Variants in CDK6 observed in about 807,000 individuals in gnomAD.
CDK6 encodes the protein cyclin dependent kinase 6.
A neutral mutation model predicts 37.1 loss-of-function variants in CDK6; 6 were observed. The ratio of observed to expected loss-of-function variants is 0.16; its 90% CI spans 0.09 to 0.32. The LOEUF (loss-of-function observed/expected upper bound fraction) is 0.32. CDK6 is among the 10% of genes least tolerant of loss of function. The pLI, the probability that CDK6 is intolerant of heterozygous loss-of-function variation, is 1.00. For synonymous variants in CDK6, 160 were observed against 161.3 expected, an observed-to-expected ratio of 0.99 and a Z score of 0.06; for missense variants, 224 against 418.9, an observed-to-expected ratio of 0.53 and a Z score of 4.06.
intron 5 of CDK6, among the ~76,000 whole-genome samples, chr7:92,638,644 G>A (rs887104135): frequency 1.4e-4 from 22 of 152,220 alleles, no homozygotes; most frequent in Admixed American, 1.3e-4. Flanking sequence ...AACTGACTCA[G>A]AGTCTCTTTA....
intron 5 of CDK6, among the ~76,000 whole-genome samples, chr7:92,638,469 A>G (rs1243423536): frequency 6.6e-6 from 1 of 152,154 alleles, no homozygotes; most frequent in Non-Finnish European, 1.5e-5. Flanking sequence ...CAATGCCCAG[A>G]TAGAAGGATG....
rs746472284 is a variant in CDK6, at chr7:92,608,548, AAAAAACAAAAAC to A, written c.*6580_*6591del. Reference sequence around the variant, plus strand: ...CCTGCAATTATACATCTTTTCTTTAAAAAAACAAAAACAAAAACAAAAACTGAGCTTAGCGCC... The same window carrying A: ...CCTGCAATTATACATCTTTTCTTTAAAAAAACAAAAACTGAGCTTAGCGCC... On this transcript the variant is annotated 3_prime_UTR_variant, in exon 8 of 8. Coordinates refer to ENST00000424848, the MANE Select transcript of CDK6 (RefSeq NM_001145306.2). The A allele has an allele frequency of 2.8e-4, 66 of 232,226 alleles. No individual in the cohort carries two copies. The highest frequency in any genetic ancestry group is 5.3e-4 in the Non-Finnish European group (62 of 117,382). The allele number at this position is 232,226 out of a possible 1,614,324, so 14.4% of individuals were successfully genotyped here. A position where few individuals can be genotyped will look rare whatever the true frequency, so the allele number is the denominator to read the frequency against.
intron 3 of CDK6, among the ~76,000 whole-genome samples, chr7:92,758,702 T>A (rs977491205): frequency 6.6e-6 from 1 of 152,230 alleles, no homozygotes; most frequent in African/African-American, 2.4e-5. Flanking sequence ...AGGAACAGCA[T>A]TGATTCTGTA....
intron 4 of CDK6, among the ~76,000 whole-genome samples, chr7:92,681,590 C>G (rs1023831126): frequency 4.6e-5 from 7 of 152,272 alleles, no homozygotes; most frequent in African/African-American, 1.7e-4. Context: ...CCATGTTAGT[C>G]CTGGACAGTG....
intron 5 of CDK6, among the ~76,000 whole-genome samples, chr7:92,645,413 T>C (rs1471328212): frequency 1.3e-5 from 2 of 152,198 alleles, no homozygotes; most frequent in Admixed American, 6.5e-5. Context: ...GATAAGTAAA[T>C]GCTTGCAAAA....
At chr7:92,672,176 CACACACAG>C (rs1562931129) in intron 4 of CDK6, among the ~76,000 whole-genome samples, 1 of 104,056 alleles carries the variant, frequency 9.6e-6, no homozygotes, top group Non-Finnish European at 1.9e-5. Flanking sequence ...TACACACACA[CACACACAG>C]ACACATACAC....
At chr7:92,734,341 G>C (rs564931736) in intron 3 of CDK6, among the ~76,000 whole-genome samples, 2 of 152,158 alleles carry the variant, frequency 1.3e-5, no homozygotes, top group South Asian at 4.2e-4. Flanking sequence ...TGTACTCTCT[G>C]TCTAGACTGA....
At chr7:92,647,096 ACAG>A (rs1796469990) in intron 5 of CDK6, among the ~76,000 whole-genome samples, 1 of 152,214 alleles carries the variant, frequency 6.6e-6, no homozygotes, top group African/African-American at 2.4e-5. Context: ...GCTCTGACCT[ACAG>A]GCTGCAGTAT....
At chr7:92,631,150 T>C (rs1017380521) in intron 5 of CDK6, among the ~76,000 whole-genome samples, 1 of 152,220 alleles carries the variant, frequency 6.6e-6, no homozygotes, top group African/African-American at 2.4e-5. Context: ...CTTAGCACTG[T>C]TGTTCTTCAA....
chr7:92,833,145 C>G lies in CDK6; in HGVS notation c.179G>C (p.Arg60Pro), dbSNP rs1160950961. The G allele has an allele frequency of 6.2e-7, 1 of 1,609,046 alleles. No homozygotes were observed. The highest frequency in any genetic ancestry group is 8.5e-7 in the Non-Finnish European group (1 of 1,178,444). ...CAGGTGCCTCAGCACCGCCACCTCGCGGATGGTGGAGAGCGGCATGCCCTC... is the reference window on the plus strand; with the variant it reads ...CAGGTGCCTCAGCACCGCCACCTCGGGGATGGTGGAGAGCGGCATGCCCTC... Reference protein sequence around the residue: ...GEEGMPLSTIREVAVLRHLET... With the variant: ...GEEGMPLSTIPEVAVLRHLET... The change falls in exon 2 of 8, where the codon CGC becomes CCC. Residue 60 changes from arginine to proline, a missense_variant. Arg to Pro is a moderately radical substitution (Grantham distance 103, BLOSUM62 -2). Coordinates refer to ENST00000424848, the MANE Select transcript of CDK6 (RefSeq NM_001145306.2). The surrounding 1 kb of genome is among the most constrained non-coding windows in gnomAD (Gnocchi z 6.1).
intron 3 of CDK6, among the ~76,000 whole-genome samples, chr7:92,766,017 C>T (rs886497341): frequency 3.9e-5 from 6 of 151,956 alleles, no homozygotes; most frequent in African/African-American, 1.2e-4. Context: ...GCTGGAGAAC[C>T]GTGGGCCCAA....
At chr7:92,678,358 C>G (rs1585392179) in intron 4 of CDK6, among the ~76,000 whole-genome samples, 1 of 151,712 alleles carries the variant, frequency 6.6e-6, no homozygotes, top group Admixed American at 6.6e-5. Flanking sequence ...AAGCAAATAC[C>G]ATGTTTATTA....
chr7:92,645,721 C>T (rs1391437521), intron 5 of CDK6, among the ~76,000 whole-genome samples: 1 of 152,236 alleles, frequency 6.6e-6, no homozygotes, highest in Non-Finnish European at 1.5e-5. Context: ...GCACTCCTTC[C>T]TATTGTTCCT....
Position 92,717,193 on chromosome 7 carries a change from C to T in CDK6, c.537+8433G>A, listed in dbSNP as rs574839401. ...CCCCATCTCTTAAAAAAAAAAAGAA[C>T]GTAGCTGGGCGTGGTGGTGTGAACC... is the stretch of plus-strand genomic sequence containing the variant. On this transcript the variant is annotated intron_variant, in intron 4 of 7. Transcript: ENST00000424848. Among the ~76,000 whole-genome samples the T allele has an allele frequency of 7.3e-5, 11 of 151,614 alleles. No individual in the cohort carries two copies. In the East Asian group the frequency reaches 1.6e-3, roughly 21 times the overall value.
Position 92,833,439 on chromosome 7 carries a change from T to G in CDK6, c.-116A>C. On this transcript the variant is annotated 5_prime_UTR_variant, in exon 2 of 8. Coordinates refer to ENST00000424848, the MANE Select transcript of CDK6 (RefSeq NM_001145306.2). The surrounding 1 kb of genome is among the most constrained non-coding windows in gnomAD (Gnocchi z 6.1). ...TCCCCGGAGATCGGTCTAGCTTTACTTGCTCCCCGCCGGCTCAGGCGCTCG... is the reference window on the plus strand; with the variant it reads ...TCCCCGGAGATCGGTCTAGCTTTACGTGCTCCCCGCCGGCTCAGGCGCTCG... 5 of 694,944 alleles carry G rather than the reference T, an allele frequency of 7.2e-6. No homozygotes were observed. Among genetic ancestry groups the G allele is most frequent in the Non-Finnish European group, 1.1e-5 (5 of 438,068 alleles). The allele number at this position is 694,944 out of a possible 1,614,324, so 43.0% of individuals were successfully genotyped here.
Position 92,605,181 on chromosome 7 carries a change from A to G in CDK6, c.*9959T>C, listed in dbSNP as rs1795398413. 4.3e-6 allele frequency: 1 copy of G among 233,188 alleles called. No homozygotes were observed. The highest frequency in any genetic ancestry group is 8.5e-6 in the Non-Finnish European group (1 of 117,852). The allele number at this position is 233,188 out of a possible 1,614,324, so 14.4% of individuals were successfully genotyped here. ...TGAACACATTGGACAGTGATATTTC[A>G]ACACCAATTTTGAAAAAAACAATGA... On this transcript the variant is annotated 3_prime_UTR_variant, in exon 8 of 8. Transcript: ENST00000424848.
chr7:92,627,504 T>A (rs914687445), intron 5 of CDK6, among the ~76,000 whole-genome samples: 3 of 152,104 alleles, frequency 2.0e-5, no homozygotes, highest in African/African-American at 7.2e-5. Flanking sequence ...ATGACGATCA[T>A]CAATGAATGA....
chr7:92,810,183 A>G (rs950729136), intron 2 of CDK6, among the ~76,000 whole-genome samples: 1 of 152,214 alleles, frequency 6.6e-6, no homozygotes, highest in Admixed American at 6.5e-5. Context: ...GAATTAAGCC[A>G]TTATACCTCT....
chr7:92,672,170 C>CAT (rs1797091829), intron 4 of CDK6, among the ~76,000 whole-genome samples: 25 of 101,426 alleles, frequency 2.5e-4, no homozygotes, highest in African/African-American at 5.0e-4. Flanking sequence ...TACACATACA[C>CAT]ACACACACAC....
Sources: gnomAD v4.1 joint callset for allele counts (sites outside exome capture counted in the v4.1 genomes callset) on GRCh38, gnomAD v4.1.1 for gene constraint, Gnocchi (gnomAD v3.1) non-coding constraint, MANE v1.5 for transcripts, NCBI Gene and HGNC (gene_info 2026-07-23, HGNC 2026-07-21) for gene names.